VPS13B: variants seen among roughly 807,000 people sequenced by gnomAD.
VPS13B encodes the protein vacuolar protein sorting 13 homolog B.
In VPS13B, 285 loss-of-function variants were observed where a neutral mutation model predicts 426.4. That is an observed-to-expected ratio of 0.67 (90% CI 0.61 to 0.74). The LOEUF (loss-of-function observed/expected upper bound fraction) is 0.74. VPS13B is among the 30% of genes least tolerant of loss of function. VPS13B has a pLI of 0.00. For missense variants in VPS13B, 4,537 were observed against 4,782.6 expected (o/e 0.95, Z 1.51); for synonymous variants, 1,676 against 1,676.4 (o/e 1.00, Z 0.01).
chr8:99,209,139 T>C (rs1198243507), intron 17 of VPS13B, among the ~76,000 whole-genome samples: 5 of 151,774 alleles, frequency 3.3e-5, no homozygotes, highest in African/African-American at 1.2e-4. Context: ...ATTAGCTGAG[T>C]GTGGTGACAT....
chr8:99,669,265 A>AG (rs1830608959), intron 35 of VPS13B, among the ~76,000 whole-genome samples: 1 of 140,970 alleles, frequency 7.1e-6, no homozygotes, highest in Non-Finnish European at 1.5e-5. Flanking sequence ...TTTGAAATGC[A>AG]ATTTTTTTTT....
At chr8:99,694,783 T>G (rs1313827363) in intron 35 of VPS13B, among the ~76,000 whole-genome samples, 2 of 152,058 alleles carry the variant, frequency 1.3e-5, no homozygotes, top group Non-Finnish European at 2.9e-5. Flanking sequence ...GGAGAAAATT[T>G]TCACCACCTA....
chr8:99,188,682 G>A (rs983012656), intron 16 of VPS13B, among the ~76,000 whole-genome samples: 62 of 152,056 alleles, frequency 4.1e-4, no homozygotes, highest in African/African-American at 1.5e-3. Context: ...CTATACCTCT[G>A]TGCGTGATGT....
intron 16 of VPS13B, among the ~76,000 whole-genome samples, chr8:99,172,663 A>G (rs945290241): frequency 1.3e-5 from 2 of 152,172 alleles, no homozygotes; most frequent in Non-Finnish European, 2.9e-5. Context: ...CTTTTTGCCT[A>G]TAGTTAAAGT....
At chr8:99,507,579 TA>T (rs1258666604) in intron 28 of VPS13B, among the ~76,000 whole-genome samples, 4 of 152,234 alleles carry the variant, frequency 2.6e-5, no homozygotes, top group African/African-American at 4.8e-5. Context: ...TAAAAGCAAT[TA>T]TTTTTTGTTT....
intron 3 of VPS13B, among the ~76,000 whole-genome samples, chr8:99,078,876 A>G (rs1424394927): frequency 6.6e-6 from 1 of 152,078 alleles, no homozygotes; most frequent in Admixed American, 6.6e-5. Flanking sequence ...AAGTTGGTAT[A>G]TAGGCCCCTG....
At chr8:99,868,821 A>G (rs762421051) in intron 59 of VPS13B, among the ~76,000 whole-genome samples, 2 of 152,236 alleles carry the variant, frequency 1.3e-5, no homozygotes, top group Non-Finnish European at 2.9e-5. Context: ...CTGTGGGAAG[A>G]TAACTCTAAG....
chr8:99,575,720 G>C lies in VPS13B; in HGVS notation c.5012G>C (p.Arg1671Pro). Reference sequence around the variant, plus strand: ...CCCGTTTTGACAGATTTTTCTGTCCGAATAACTGGAGCACCTGCTGTCATT... The same window carrying C: ...CCCGTTTTGACAGATTTTTCTGTCCCAATAACTGGAGCACCTGCTGTCATT... ...LTPVLTDFSV[R>P]ITGAPAVIFT... The change falls in exon 32 of 62, where the codon CGA becomes CCA. Residue 1671 changes from arginine to proline, a missense_variant. By Grantham distance (103) the Arg-to-Pro change is moderately radical. Coordinates refer to ENST00000357162, the MANE Select transcript of VPS13B (RefSeq NM_152564.5). 6.2e-7 allele frequency: 1 copy of C among 1,613,762 alleles called. No homozygotes were observed. Among genetic ancestry groups the C allele is most frequent in the Non-Finnish European group, 8.5e-7 (1 of 1,179,832 alleles).
intron 6 of VPS13B, among the ~76,000 whole-genome samples, chr8:99,113,135 G>T (rs534528266): frequency 7.2e-6 from 1 of 138,892 alleles, no homozygotes; most frequent in South Asian, 2.2e-4. Flanking sequence ...GAGGCTCCCT[G>T]TCACCCAGGC....
intron 29 of VPS13B, among the ~76,000 whole-genome samples, chr8:99,515,660 C>T (rs1279374899): frequency 6.6e-6 from 1 of 151,386 alleles, no homozygotes; most frequent in Non-Finnish European, 1.5e-5. Flanking sequence ...CAACAAACAA[C>T]TTTTTAGTGG....
At chr8:99,604,949 C>G (rs1290739422) in intron 33 of VPS13B, among the ~76,000 whole-genome samples, 1 of 152,172 alleles carries the variant, frequency 6.6e-6, no homozygotes, top group Non-Finnish European at 1.5e-5. Context: ...ATAAATAAAA[C>G]ATTTTATTGA....
chr8:99,045,179 AAG>A (rs1843171862), intron 3 of VPS13B, among the ~76,000 whole-genome samples: 3 of 152,150 alleles, frequency 2.0e-5, no homozygotes, highest in African/African-American at 7.2e-5. Flanking sequence ...AGCAGTGTAG[AAG>A]TGTTCCTGGT....
Position 99,875,375 on chromosome 8 carries a change from C to T in VPS13B, c.11746-43C>T, listed in dbSNP as rs199850611. On this transcript the variant is annotated intron_variant, in intron 61 of 61. Transcript: ENST00000357162. ...AGAACTAATTTTGTTCTGGAACTCT[C>T]GTAAGGGTCTGGCAACTAATCTTTA... 5.5e-5 allele frequency: 89 copies of T among 1,613,340 alleles called. No individual in the cohort carries two copies. The East Asian group carries it at 9.4e-4, about 17-fold the overall frequency.
chr8:99,671,166 A>G (rs1830703154), intron 35 of VPS13B, among the ~76,000 whole-genome samples: 1 of 152,120 alleles, frequency 6.6e-6, no homozygotes, highest in South Asian at 2.1e-4. Context: ...TGTCTTTTTG[A>G]TAATAGCCAT....
intron 32 of VPS13B, 134 bp from the exon 33 acceptor site, chr8:99,577,356 T>C: frequency 1.7e-6 from 2 of 1,196,734 alleles, no homozygotes; most frequent in Non-Finnish European, 2.4e-6. Flanking sequence ...CCATTTTTGC[T>C]CTTCTCCTTA....
chr8:99,263,860 G>C (rs1818173355), intron 17 of VPS13B, among the ~76,000 whole-genome samples: 1 of 152,026 alleles, frequency 6.6e-6, no homozygotes, highest in Non-Finnish European at 1.5e-5. Context: ...TGTCATAGAG[G>C]ATCTAGTTTT....
chr8:99,173,420 C>T (rs994212222), intron 16 of VPS13B, among the ~76,000 whole-genome samples: 114 of 152,102 alleles, frequency 7.5e-4, no homozygotes, highest in African/African-American at 2.6e-3. Context: ...GCCAGTAATA[C>T]TTATTATCAA....
chr8:99,149,142 C>T (rs1480277649), intron 14 of VPS13B, among the ~76,000 whole-genome samples: 1 of 152,210 alleles, frequency 6.6e-6, no homozygotes, highest in Non-Finnish European at 1.5e-5. Flanking sequence ...CACCATAGTA[C>T]TTAGCTCCTA....
intron 35 of VPS13B, chr8:99,696,603 G>A: frequency 1.6e-6 from 1 of 627,466 alleles, no homozygotes; most frequent in Non-Finnish European, 3.0e-6. Flanking sequence ...CATCAAGGAG[G>A]AGAGCCTGAA....
Sources: allele counts gnomAD v4.1 joint callset (sites outside exome capture counted in the v4.1 genomes callset), GRCh38; gene constraint gnomAD v4.1.1; transcripts MANE v1.5; gene names NCBI Gene and HGNC (gene_info 2026-07-23, HGNC 2026-07-21).